GEN1: variants seen among roughly 807,000 people sequenced by gnomAD.
The protein encoded by GEN1 is flap endonuclease GEN homolog 1.
GEN1 carries 64 observed loss-of-function variants against 67.6 expected under a neutral mutation model. The observed-to-expected ratio is 0.95, with a 90% confidence interval of 0.77 to 1.17. The LOEUF (loss-of-function observed/expected upper bound fraction) is 1.17. Among genes scored for constraint, GEN1 ranks in the 50% most tolerant of loss-of-function variants. GEN1 has a pLI of 0.00. For synonymous variants in GEN1, 371 were observed against 359.4 expected (o/e 1.03, Z -0.37); for missense variants, 1,058 against 1,048.3 (o/e 1.01, Z -0.13).
chr2:17,766,523 T>C lies in GEN1; in HGVS notation c.526-56T>C. 3.3e-6 allele frequency: 3 copies of C among 898,908 alleles called. No individual in the cohort carries two copies. The South Asian group carries it at 4.5e-5, about 14-fold the overall frequency. 55.7% of individuals were successfully genotyped at this position (898,908 alleles called of 1,614,324 possible). ...TTGACAAATTATTTTTGTAATGTGG[T>C]TTAATGTATAAATATGTACTTTTTG... On this transcript the variant is annotated intron_variant, in intron 4 of 13. Transcript: ENST00000381254.
In GEN1 at chr2:17,774,256, TTATTA is replaced by T; in HGVS notation, c.1072-10_1072-6del. On this transcript the variant is annotated splice_polypyrimidine_tract_variant and intron_variant, in intron 10 of 13. Transcript: ENST00000381254. ...GAGATAACAAAATCTTGTTTTATTT[TTATTA>T]TATTTATAGAGATTTACTCTTGAAA... 7.0e-7 allele frequency: 1 copy of T among 1,419,854 alleles called. No homozygotes were observed. The highest frequency in any genetic ancestry group is 9.5e-7 in the Non-Finnish European group (1 of 1,053,658). 88.0% of individuals were successfully genotyped at this position (1,419,854 alleles called of 1,614,324 possible).
chr2:17,777,339 A>C (rs1353434457), intron 11 of GEN1, among the ~76,000 whole-genome samples: 7 of 152,192 alleles, frequency 4.6e-5, no homozygotes, highest in Admixed American at 3.9e-4. Flanking sequence ...GATGATGATG[A>C]TAAGCCAAAA....
chr2:17,772,475 T>TAC (rs1672236144), intron 7 of GEN1, among the ~76,000 whole-genome samples, 159 bp from the exon 8 acceptor site: 2 of 152,090 alleles, frequency 1.3e-5, no homozygotes, highest in African/African-American at 4.8e-5. Context: ...TGGTGTCTAT[T>TAC]ACTCTATTCA....
chr2:17,773,406 C>A, intron 10 of GEN1, 107 bp downstream of exon 10: 4 of 668,356 alleles, frequency 6.0e-6, no homozygotes. Flanking sequence ...TTAAAACAGG[C>A]AGCTCTTATA....
chr2:17,785,212 G>A lies in GEN1; in HGVS notation c.*3273G>A, dbSNP rs1673018140. 6.6e-6 allele frequency: 1 copy of A among 152,164 alleles called. No homozygotes were observed. The highest frequency in any genetic ancestry group is 6.5e-5 in the Admixed American group (1 of 15,274). The allele number at this position is 152,164 out of a possible 1,614,324, so 9.4% of individuals were successfully genotyped here. On this transcript the variant is annotated 3_prime_UTR_variant, in exon 14 of 14. Coordinates refer to ENST00000381254, the MANE Select transcript of GEN1 (RefSeq NM_001130009.3). The stretch of plus-strand genomic sequence containing the variant: ...GTGGTCCTCGGTGCCAGAAAGGTTG[G>A]GGACTGCTGATATACCTAATATAGG...
rs1386601062 is a variant in GEN1, at chr2:17,788,612, C to A, written c.*6673C>A. 2.0e-5 allele frequency: 3 copies of A among 152,208 alleles called. No homozygotes were observed. The highest frequency in any genetic ancestry group is 4.4e-5 in the Non-Finnish European group (3 of 68,034). The allele number at this position is 152,208 out of a possible 1,614,324, so 9.4% of individuals were successfully genotyped here. On this transcript the variant is annotated 3_prime_UTR_variant, in exon 14 of 14. Coordinates refer to ENST00000381254, the MANE Select transcript of GEN1 (RefSeq NM_001130009.3). ...CAAGACCCAAAAAGGAAAATAACCTCCCCAAATGGTAAAAACTGCTTGTAT... is the reference window on the plus strand; with the variant it reads ...CAAGACCCAAAAAGGAAAATAACCTACCCAAATGGTAAAAACTGCTTGTAT...
At chr2:17,764,696 C>T (rs566759829) in intron 3 of GEN1, among the ~76,000 whole-genome samples, 2 of 152,214 alleles carry the variant, frequency 1.3e-5, no homozygotes, top group South Asian at 4.1e-4. Flanking sequence ...TATTAGCACA[C>T]GTAAAAGTTT....
intron 7 of GEN1, among the ~76,000 whole-genome samples, chr2:17,771,895 A>G (rs1451274746): frequency 2.0e-5 from 3 of 151,888 alleles, no homozygotes; most frequent in African/African-American, 4.8e-5. Context: ...AAATTCTGCT[A>G]TATCTAGTTG....
upstream of GEN1, chr2:17,753,969 T>G (rs1572380812): frequency 6.6e-6 from 1 of 150,556 alleles, no homozygotes; most frequent in African/African-American, 2.5e-5. Context: ...TCGGGGGAGG[T>G]GAGTGATTTG....
At chr2:17,755,318 TTTCTTACCTCTTAAGCCC>T (rs1671368047) in intron 1 of GEN1, 2 of 152,242 alleles carry the variant, frequency 1.3e-5, no homozygotes, top group Admixed American at 1.3e-4. Context: ...TATAGCTTGC[TTTCTTACCTCTTAAGCCC>T]TTTTTATCTG....
intron 10 of GEN1, 61 bp downstream of exon 10, chr2:17,773,360 A>G: frequency 9.9e-7 from 1 of 1,009,934 alleles, no homozygotes; most frequent in Non-Finnish European, 1.5e-6. Flanking sequence ...ATAGGAACAG[A>G]TATTCACTCT....
intron 7 of GEN1, 143 bp downstream of exon 7, chr2:17,771,430 G>A: frequency 1.6e-6 from 1 of 610,734 alleles, no homozygotes; most frequent in Non-Finnish European, 2.9e-6. Flanking sequence ...ATTCCTTGCA[G>A]TCAGTTTTGT....
In GEN1 at chr2:17,786,006, T is replaced by C. The variant is rs1458949996; in HGVS notation, c.*4067T>C. ...ATGGCTTGAGCCATCTTGTCAGGCA[T>C]ACCTAGCTTCAGATTCTTTTCTGCT... On this transcript the variant is annotated 3_prime_UTR_variant, in exon 14 of 14. Transcript: ENST00000381254. 1.3e-5 allele frequency: 2 copies of C among 152,264 alleles called. No individual in the cohort carries two copies. The highest frequency in any genetic ancestry group is 2.9e-5 in the Non-Finnish European group (2 of 68,050). 9.4% of individuals were successfully genotyped at this position (152,264 alleles called of 1,614,324 possible). A position where few individuals can be genotyped will look rare whatever the true frequency, so the allele number is the denominator to read the frequency against.
At chr2:17,765,931 G>T (rs959751558) in intron 4 of GEN1, among the ~76,000 whole-genome samples, 2 of 144,800 alleles carry the variant, frequency 1.4e-5, no homozygotes, top group Non-Finnish European at 1.5e-5. Context: ...CAGTTACGGG[G>T]AATGTTTACT....
chr2:17,765,793 A>G (rs1295583244), intron 4 of GEN1, among the ~76,000 whole-genome samples: 1 of 152,252 alleles, frequency 6.6e-6, no homozygotes, highest in African/African-American at 2.4e-5. Flanking sequence ...TTCTCAAAAT[A>G]GTATTTTTAT....
In GEN1 at chr2:17,784,155, A is replaced by G. The variant is rs1282817925; in HGVS notation, c.*2216A>G. ...CTCGTAACTCAATTATAAAAAGACA[A>G]CTTTGAAATGGGCAAAATAGCTCAA... On this transcript the variant is annotated 3_prime_UTR_variant, in exon 14 of 14. Coordinates refer to ENST00000381254, the MANE Select transcript of GEN1 (RefSeq NM_001130009.3). The G allele has an allele frequency of 6.6e-6, 1 of 152,222 alleles. No homozygotes were observed. The highest frequency in any genetic ancestry group is 1.9e-4 in the East Asian group (1 of 5,206). The allele number at this position is 152,222 out of a possible 1,614,324, so 9.4% of individuals were successfully genotyped here.
At chr2:17,764,594 G>A (rs538479706) in intron 3 of GEN1, among the ~76,000 whole-genome samples, 4 of 152,070 alleles carry the variant, frequency 2.6e-5, no homozygotes, top group African/African-American at 7.2e-5. Flanking sequence ...GAAGCAAATC[G>A]TAGACATAAT....
chr2:17,778,287 CACATGTGTGTGT>C lies in GEN1; in HGVS notation c.1264+229_1264+240del, dbSNP rs1558409109. Reference sequence around the variant, plus strand: ...GTGTGTACATATATGTATATACACACACATGTGTGTGTACATATATGTATATACACACACACG... The same window carrying C: ...GTGTGTACATATATGTATATACACACACATATATGTATATACACACACACG... On this transcript the variant is annotated intron_variant, in intron 12 of 13. Coordinates refer to ENST00000381254, the MANE Select transcript of GEN1 (RefSeq NM_001130009.3). Among the ~76,000 whole-genome samples the C allele has an allele frequency of 1.6e-3, 205 of 126,992 alleles. 20 individuals carry two copies. Among genetic ancestry groups the C allele is most frequent in the African/African-American group, 5.0e-3 (149 of 30,028 alleles). 83.3% of individuals were successfully genotyped at this position (126,992 alleles called of 152,430 possible).
chr2:17,759,121 G>T (rs866354063), intron 1 of GEN1, among the ~76,000 whole-genome samples: 9 of 152,322 alleles, frequency 5.9e-5, no homozygotes, highest in African/African-American at 2.2e-4. Flanking sequence ...TTTCTGGAAT[G>T]AATGAAGGTC....
Sources: allele counts gnomAD v4.1 joint callset (sites outside exome capture counted in the v4.1 genomes callset), GRCh38; gene constraint gnomAD v4.1.1; transcripts MANE v1.5; gene names NCBI Gene and HGNC (gene_info 2026-07-23, HGNC 2026-07-21).